The following KDM1B variants were observed in gnomAD, a reference collection of about 807,000 sequenced individuals.
KDM1B encodes the protein lysine-specific histone demethylase 2.
A neutral mutation model predicts 107.4 loss-of-function variants in KDM1B; 63 were observed. That is an observed-to-expected ratio of 0.59 (90% confidence interval 0.48 to 0.72). KDM1B has a LOEUF of 0.72. Among genes scored for constraint, KDM1B ranks in the 30% least tolerant of loss-of-function variants. KDM1B has a pLI of 0.00. For synonymous variants in KDM1B, 363 were observed against 363.9 expected (o/e 1.00, Z 0.03); for missense variants, 749 against 1,020.8 (o/e 0.73, Z 3.63).
intron 7 of KDM1B, among the ~76,000 whole-genome samples, chr6:18,177,965 G>GT (rs1786139345): frequency 6.6e-6 from 1 of 152,040 alleles, no homozygotes; most frequent in African/African-American, 2.4e-5. Context: ...TCTTTTTGAG[G>GT]TTAATGTCTC....
rs1785730997 is a variant in KDM1B, at chr6:18,172,612, G to A, written c.534+1133G>A. On this transcript the variant is annotated intron_variant, in intron 7 of 21. Coordinates refer to ENST00000650836, the MANE Select transcript of KDM1B (RefSeq NM_001364614.2). The surrounding 1 kb of genome is among the most constrained non-coding windows in gnomAD (Gnocchi z 5.2). ...AAATCCAAAACACTTCTGGTCCCAA[G>A]CATTTCAAATAAGAGAAATTCAACC... Among the ~76,000 whole-genome samples the A allele has an allele frequency of 6.6e-6, 1 of 152,038 alleles. No individual in the cohort carries two copies. The highest frequency in any genetic ancestry group is 1.5e-5 in the Non-Finnish European group (1 of 68,002).
chr6:18,208,403 G>A (rs530614670), intron 17 of KDM1B, among the ~76,000 whole-genome samples, 197 bp downstream of exon 17: 1 of 151,538 alleles, frequency 6.6e-6, no homozygotes, highest in South Asian at 2.1e-4. Context: ...ACACTGTATA[G>A]ACTCATGGCA....
chr6:18,157,359 T>C, intron 2 of KDM1B, among the ~76,000 whole-genome samples: 1 of 152,210 alleles, frequency 6.6e-6, no homozygotes, highest in Non-Finnish European at 1.5e-5. Context: ...AGCTCATGTT[T>C]TCATTTCCTT....
In KDM1B at chr6:18,217,409, G is replaced by C. The variant is rs376158051; in HGVS notation, c.2233-324G>C. On this transcript the variant is annotated intron_variant, in intron 20 of 21. Coordinates refer to ENST00000650836, the MANE Select transcript of KDM1B (RefSeq NM_001364614.2). ...TTTTTTTTTTTTTGAGATGGAGTCT[G>C]GCTCTGTTGCCCAGGCTGGAGTGCA... Among the ~76,000 whole-genome samples, 175 of 145,448 alleles carry C rather than the reference G, an allele frequency of 1.2e-3. 1 individual carries two copies. The highest frequency in any genetic ancestry group is 4.0e-3 in the African/African-American group (157 of 39,328).
chr6:18,190,737 T>C (rs1411804251), intron 9 of KDM1B, among the ~76,000 whole-genome samples: 1 of 151,688 alleles, frequency 6.6e-6, no homozygotes, highest in East Asian at 1.9e-4. Flanking sequence ...CCATAGCTAC[T>C]AAAAATAGAA....
At chr6:18,184,931 T>A (rs1160112583) in intron 7 of KDM1B, among the ~76,000 whole-genome samples, 1 of 151,374 alleles carries the variant, frequency 6.6e-6, no homozygotes, top group Non-Finnish European at 1.5e-5. Flanking sequence ...AGATGGGGGG[T>A]GTTACCCAGG....
chr6:18,175,594 T>C (rs1785941376), intron 7 of KDM1B, among the ~76,000 whole-genome samples: 1 of 152,218 alleles, frequency 6.6e-6, no homozygotes, highest in African/African-American at 2.4e-5. Context: ...CTTCTAGAAT[T>C]TTTGTAGTTT....
At chr6:18,181,864 A>T (rs1786504238) in intron 7 of KDM1B, among the ~76,000 whole-genome samples, 1 of 152,186 alleles carries the variant, frequency 6.6e-6, no homozygotes. Context: ...GAAAAAATAA[A>T]TTATATAACA....
rs1385267675 is a variant in KDM1B, at chr6:18,213,371, G to C, written c.1984-285G>C. Among the ~76,000 whole-genome samples, 3 of 151,860 alleles carry C rather than the reference G, an allele frequency of 2.0e-5. No homozygotes were observed. The highest frequency in any genetic ancestry group is 7.3e-5 in the African/African-American group (3 of 41,336). On this transcript the variant is annotated intron_variant, in intron 18 of 21. Coordinates refer to ENST00000650836, the MANE Select transcript of KDM1B (RefSeq NM_001364614.2). This position sits in a 1 kb window ranked among gnomAD's most constrained non-coding sequence, Gnocchi z 5.9. ...GAATCACTCGAAACCGGAAAGTGGA[G>C]GCTGCAGTGAGCCAAGATCGCTCCA...
At position 18,205,252 on chromosome 6, in the gene KDM1B, T is replaced by A. The variant is rs775444312; in HGVS notation, c.1532-285T>A. On this transcript the variant is annotated intron_variant, in intron 14 of 21. Coordinates refer to ENST00000650836, the MANE Select transcript of KDM1B (RefSeq NM_001364614.2). The surrounding 1 kb of genome is among the most constrained non-coding windows in gnomAD (Gnocchi z 5.7). ...AAACCACTTCTCAACGAAGCGAAAT[T>A]GAGACGTTTCTGAAGATATAGAACT... is the stretch of plus-strand genomic sequence containing the variant. Among the ~76,000 whole-genome samples the A allele has an allele frequency of 4.6e-5, 7 of 152,156 alleles. No homozygotes were observed. The highest frequency in any genetic ancestry group is 1.0e-4 in the Non-Finnish European group (7 of 68,024).
intron 6 of KDM1B, among the ~76,000 whole-genome samples, chr6:18,169,238 T>G (rs1785503732): frequency 6.7e-6 from 1 of 149,214 alleles, no homozygotes; most frequent in Non-Finnish European, 1.5e-5. Flanking sequence ...ATATAAATTT[T>G]TTTTTTTTTT....
At chr6:18,216,479 A>G (rs1789245294) in intron 20 of KDM1B, among the ~76,000 whole-genome samples, 1 of 152,052 alleles carries the variant, frequency 6.6e-6, no homozygotes, top group South Asian at 2.1e-4. Context: ...GTTGTTTGGA[A>G]CTTAGCTTAC....
intron 5 of KDM1B, among the ~76,000 whole-genome samples, chr6:18,165,746 C>T (rs559299041): frequency 2.0e-5 from 3 of 152,276 alleles, no homozygotes; most frequent in East Asian, 3.9e-4. Flanking sequence ...CCCTTGAACC[C>T]AGGAGGTGGA....
Position 18,219,063 on chromosome 6 carries a change from C to T in KDM1B, c.2385+1178C>T, listed in dbSNP as rs561773131. 1.9e-4 allele frequency among the ~76,000 whole-genome samples: 29 copies of T among 152,026 alleles called. No individual in the cohort carries two copies. In the South Asian group the frequency reaches 5.0e-3, roughly 26 times the overall value. On this transcript the variant is annotated intron_variant, in intron 21 of 21. Transcript: ENST00000650836. ...GACCACAGGCGCCCGCCACCACGCC[C>T]GACTAATTTTTTGTATTTTTAGTAG... is the stretch of plus-strand genomic sequence containing the variant.
At chr6:18,207,854 T>C (rs1788494487) in intron 16 of KDM1B, among the ~76,000 whole-genome samples, 1 of 152,212 alleles carries the variant, frequency 6.6e-6, no homozygotes, top group Non-Finnish European at 1.5e-5. Flanking sequence ...GTATTGTGTG[T>C]TATTGTAATC....
At chr6:18,207,276 G>T (rs1788445148) in intron 15 of KDM1B, 122 bp from the exon 16 acceptor site, 3 of 970,480 alleles carry the variant, frequency 3.1e-6, no homozygotes, top group Admixed American at 1.9e-5. Flanking sequence ...GCCTAGGCTG[G>T]TCTGCCTGTC....
chr6:18,217,657 C>T (rs1789353557), intron 20 of KDM1B, 76 bp from the exon 21 acceptor site: 4 of 1,255,896 alleles, frequency 3.2e-6, no homozygotes, highest in African/African-American at 3.0e-5. Context: ...GATGGGACTA[C>T]AGGCATGAGT....
chr6:18,217,304 G>T (rs1040169473), intron 20 of KDM1B, among the ~76,000 whole-genome samples: 24 of 151,928 alleles, frequency 1.6e-4, no homozygotes, highest in African/African-American at 5.6e-4. Context: ...GTTTCAGAAT[G>T]ATACAGGAAT....
Position 18,200,492 on chromosome 6 carries a change from A to G in KDM1B, c.1275A>G (p.Lys425=), listed in dbSNP as rs1295248458. 6.2e-7 allele frequency: 1 copy of G among 1,614,126 alleles called. No homozygotes were observed. The highest frequency in any genetic ancestry group is 8.5e-7 in the Non-Finnish European group (1 of 1,179,996). ...TTGGAGGCCGAGTCTGGGATGATAA[A>G]TCTTTTAAAGGCGTCACAGTGGGAA... ...DRIGGRVWDD[K]SFKGVTVGRG... is the part of the protein sequence containing the mutation. The change falls in exon 13 of 22, where the codon AAA becomes AAG. Residue 425 remains lysine, a synonymous_variant. Coordinates refer to ENST00000650836, the MANE Select transcript of KDM1B (RefSeq NM_001364614.2). The surrounding 1 kb of genome is among the most constrained non-coding windows in gnomAD (Gnocchi z 4.3).
Sources: allele counts gnomAD v4.1 joint callset (sites outside exome capture counted in the v4.1 genomes callset), GRCh38; gene constraint gnomAD v4.1.1; non-coding constraint Gnocchi (gnomAD v3.1); transcripts MANE v1.5; gene names NCBI Gene and HGNC (gene_info 2026-07-23, HGNC 2026-07-21).